Variants in SNTG1 observed in about 807,000 individuals in gnomAD.
SNTG1 encodes the protein gamma-1-syntrophin.
A neutral mutation model predicts 74.7 loss-of-function variants in SNTG1; 39 were observed. The ratio of observed to expected loss-of-function variants is 0.52; its 90% confidence interval spans 0.40 to 0.68. SNTG1 has a LOEUF of 0.68. Ranked by LOEUF, SNTG1 falls within the 30% of genes least tolerant of loss-of-function variation. The pLI is 0.00. For missense variants in SNTG1, 685 were observed against 609.5 expected (o/e 1.12, Z -1.30); for synonymous variants, 254 against 217.1 (o/e 1.17, Z -1.49).
chr8:50,149,592 T>G (rs2081993464), intron 1 of SNTG1, among the ~76,000 whole-genome samples: 1 of 152,212 alleles, frequency 6.6e-6, no homozygotes, highest in Non-Finnish European at 1.5e-5. Flanking sequence ...AGGGATCCAG[T>G]TTCAGCTTTC....
intron 3 of SNTG1, among the ~76,000 whole-genome samples, chr8:50,396,215 T>C (rs1432507496): frequency 6.6e-6 from 1 of 152,206 alleles, no homozygotes; most frequent in Non-Finnish European, 1.5e-5. Context: ...GATAACAATA[T>C]AGAAGAGGAA....
chr8:50,531,138 C>T (rs920453885), intron 10 of SNTG1, among the ~76,000 whole-genome samples: 9 of 152,118 alleles, frequency 5.9e-5, no homozygotes, highest in African/African-American at 1.7e-4. Flanking sequence ...CATCTTCAGT[C>T]CTGAATGGCT....
At chr8:50,459,366 GTTTTTA>G (rs2131671755) in intron 8 of SNTG1, among the ~76,000 whole-genome samples, 1 of 152,094 alleles carries the variant, frequency 6.6e-6, no homozygotes, top group South Asian at 2.1e-4. Context: ...AATGGTTTTA[GTTTTTA>G]TTTTTATTTT....
rs188261753 is a variant in SNTG1, at chr8:50,720,733, A to G, written c.1284+11755A>G. Among the ~76,000 whole-genome samples the G allele has an allele frequency of 2.2e-3, 341 of 152,334 alleles. 2 individuals are homozygous for G. Among genetic ancestry groups the G allele is most frequent in the African/African-American group, 7.5e-3 (312 of 41,580 alleles). On this transcript the variant is annotated intron_variant, in intron 17 of 18. Transcript: ENST00000642720. ...GCTGGACACTCATGAGTCAAATATC[A>G]AATACCAGGTGATTTGTGATGTGAG...
At chr8:49,925,874 A>G (rs1045170773) in intron 1 of SNTG1, among the ~76,000 whole-genome samples, 9 of 152,204 alleles carry the variant, frequency 5.9e-5, no homozygotes, top group Non-Finnish European at 1.5e-5. Context: ...GCTACTGTGA[A>G]TAAAGGTGCT....
At chr8:50,450,777 A>C in intron 8 of SNTG1, 48 bp downstream of exon 8, 2 of 1,575,160 alleles carry the variant, frequency 1.3e-6, no homozygotes, top group Non-Finnish European at 8.7e-7. Context: ...TGTGCAAATA[A>C]GAATTTAGTG....
At chr8:49,958,029 C>T (rs1810337711) in intron 1 of SNTG1, among the ~76,000 whole-genome samples, 1 of 152,056 alleles carries the variant, frequency 6.6e-6, no homozygotes. Flanking sequence ...TTCTGCTGTC[C>T]AAGTTTAATG....
intron 2 of SNTG1, among the ~76,000 whole-genome samples, chr8:50,310,557 G>A (rs936042759): frequency 9.2e-5 from 14 of 152,032 alleles, no homozygotes; most frequent in Non-Finnish European, 1.6e-4. Context: ...GTGTGGTGGC[G>A]CATGCCTGTA....
At chr8:50,403,567 A>G (rs1018249378) in intron 4 of SNTG1, among the ~76,000 whole-genome samples, 1 of 152,228 alleles carries the variant, frequency 6.6e-6, no homozygotes, top group Middle Eastern at 3.2e-3. Flanking sequence ...AAAATTTACT[A>G]CTTTGATACT....
At chr8:50,240,946 G>C (rs2086138134) in intron 2 of SNTG1, among the ~76,000 whole-genome samples, 1 of 152,064 alleles carries the variant, frequency 6.6e-6, no homozygotes, top group African/African-American at 2.4e-5. Context: ...TAACAACGAA[G>C]GGTGATAAAT....
intron 15 of SNTG1, among the ~76,000 whole-genome samples, chr8:50,689,606 T>C (rs1439611461): frequency 3.1e-5 from 3 of 96,120 alleles, no homozygotes; most frequent in Non-Finnish European, 6.9e-5. Context: ...GCCCACTTGA[T>C]CATGGTAGAT....
intron 12 of SNTG1, among the ~76,000 whole-genome samples, chr8:50,562,277 C>T (rs1042423383): frequency 6.6e-6 from 1 of 152,148 alleles, no homozygotes; most frequent in Admixed American, 6.6e-5. Context: ...TTACAGATAC[C>T]ATTAACATTG....
intron 1 of SNTG1, among the ~76,000 whole-genome samples, chr8:50,070,807 T>C (rs536160780): frequency 5.2e-4 from 79 of 152,276 alleles, no homozygotes; most frequent in Non-Finnish European, 9.6e-4. Flanking sequence ...GCATTCTCAG[T>C]CAGGTTTCTA....
chr8:50,680,743 C>T (rs1361289474), intron 15 of SNTG1, among the ~76,000 whole-genome samples: 3 of 151,952 alleles, frequency 2.0e-5, no homozygotes, highest in Admixed American at 6.6e-5. Context: ...GCTCTGGTGA[C>T]GTGGAAGCAT....
chr8:50,652,416 T>A (rs903832243), intron 13 of SNTG1, among the ~76,000 whole-genome samples: 1 of 152,236 alleles, frequency 6.6e-6, no homozygotes, highest in Non-Finnish European at 1.5e-5. Flanking sequence ...AGTTATTCAA[T>A]GAATTGTGCT....
intron 2 of SNTG1, among the ~76,000 whole-genome samples, chr8:50,325,956 T>C (rs902299163): frequency 1.3e-5 from 2 of 151,016 alleles, no homozygotes; most frequent in Middle Eastern, 3.2e-3. Context: ...TTAAATTTTA[T>C]CATACTTTTT....
At chr8:50,442,009 C>G (rs1002729620) in intron 5 of SNTG1, among the ~76,000 whole-genome samples, 2 of 152,098 alleles carry the variant, frequency 1.3e-5, no homozygotes, top group African/African-American at 2.4e-5. Context: ...AAGTAAAGCC[C>G]GAAATGACGT....
chr8:50,619,860 T>A (rs758681133), intron 13 of SNTG1, among the ~76,000 whole-genome samples: 2 of 151,422 alleles, frequency 1.3e-5, no homozygotes, highest in Non-Finnish European at 2.9e-5. Flanking sequence ...CCTTTCTATT[T>A]GAAATATATT....
At chr8:50,652,842 GGTAT>G (rs1487720109) in intron 13 of SNTG1, among the ~76,000 whole-genome samples, 7 of 151,382 alleles carry the variant, frequency 4.6e-5, no homozygotes, top group African/African-American at 1.7e-4. Context: ...ATAAATAAAA[GGTAT>G]GTTATCAGAT....
Sources: gnomAD v4.1 joint callset for allele counts (sites outside exome capture counted in the v4.1 genomes callset) on GRCh38, gnomAD v4.1.1 for gene constraint, MANE v1.5 for transcripts, NCBI Gene and HGNC (gene_info 2026-07-23, HGNC 2026-07-21) for gene names.